SPC25: variants seen among roughly 807,000 people sequenced by gnomAD.
SPC25 encodes SPC25 component of NDC80 kinetochore complex, also known as kinetochore protein Spc25.
Under a neutral mutation model 29.6 loss-of-function variants are expected in SPC25, and 22 were observed. The observed-to-expected ratio is 0.74, with a 90% CI of 0.53 to 1.06. SPC25 has a LOEUF of 1.06. Among genes scored for constraint, SPC25 ranks in the 50% least tolerant of loss-of-function variants. SPC25 has a pLI of 0.00. For synonymous variants in SPC25, 91 were observed against 90.4 expected (o/e 1.01, Z -0.04); for missense variants, 230 against 255.8 (o/e 0.90, Z 0.69).
chr2:168,877,202 C>T, intron 4 of SPC25, 36 bp downstream of exon 4: 1 of 1,602,604 alleles, frequency 6.2e-7, no homozygotes, highest in Non-Finnish European at 8.5e-7. Context: ...CACCACTTTC[C>T]ATTTTAGATC....
Position 168,871,248 on chromosome 2 carries a change from C to G in SPC25, c.*183G>C. ...GGAGGGATAGCATTAGGAGATATAC[C>G]TAATGAAATGACGAGTTAATGGGTG... On this transcript the variant is annotated 3_prime_UTR_variant, in exon 7 of 7. Coordinates refer to ENST00000282074, the MANE Select transcript of SPC25 (RefSeq NM_020675.4). 1 of 409,334 alleles carries G rather than the reference C, an allele frequency of 2.4e-6. No individual in the cohort carries two copies. The highest frequency in any genetic ancestry group is 4.2e-6 in the Non-Finnish European group (1 of 236,058). 25.4% of individuals were successfully genotyped at this position (409,334 alleles called of 1,614,324 possible). A position where few individuals can be genotyped will look rare whatever the true frequency, so the allele number is the denominator to read the frequency against.
chr2:168,883,681 T>G (rs1388984821), intron 3 of SPC25, among the ~76,000 whole-genome samples: 1 of 152,090 alleles, frequency 6.6e-6, no homozygotes, highest in Admixed American at 6.6e-5. Flanking sequence ...AAATACCACA[T>G]ATGAGAGTGT....
intron 4 of SPC25, chr2:168,864,865 A>G (rs764115930): frequency 1.2e-6 from 2 of 1,613,912 alleles, no homozygotes; most frequent in Admixed American, 3.3e-5. Flanking sequence ...AGAAAAAAGA[A>G]GGAGGATGGT....
At chr2:168,870,838 C>G (rs1338667778), downstream of SPC25, 1 of 151,384 alleles carries the variant, frequency 6.6e-6, no homozygotes, top group Non-Finnish European at 1.5e-5. Flanking sequence ...ACCATTTGAC[C>G]CAGCCCTCCC....
downstream of SPC25, among the ~76,000 whole-genome samples, chr2:168,868,856 T>C (rs1337628464): frequency 2.0e-5 from 3 of 152,220 alleles, no homozygotes; most frequent in Admixed American, 6.5e-5. Flanking sequence ...ACTCATTCTA[T>C]GAGGCCAGCA....
At chr2:168,876,906 A>C (rs929578652) in intron 4 of SPC25, among the ~76,000 whole-genome samples, 20 of 152,156 alleles carry the variant, frequency 1.3e-4, no homozygotes, top group Admixed American at 6.5e-5. Flanking sequence ...TGGTCAATAA[A>C]TATTTGTTGC....
intron 3 of SPC25, among the ~76,000 whole-genome samples, chr2:168,888,196 G>A (rs1690303199): frequency 6.6e-6 from 1 of 152,110 alleles, no homozygotes; most frequent in African/African-American, 2.4e-5. Context: ...AGTATCACTT[G>A]AGCCGAGGAG....
chr2:168,886,452 A>C (rs1416440813), intron 3 of SPC25, among the ~76,000 whole-genome samples: 1 of 152,128 alleles, frequency 6.6e-6, no homozygotes, highest in Non-Finnish European at 1.5e-5. Context: ...GTGGTGGGCA[A>C]TAGCAGTCAT....
rs1268027273 is a variant in SPC25, at chr2:168,871,276, G to A, written c.*155C>T. ...ATGAAATGACGAGTTAATGGGTGCAGCACACCAATATGGCACATGTATACA... is the reference window on the plus strand; with the variant it reads ...ATGAAATGACGAGTTAATGGGTGCAACACACCAATATGGCACATGTATACA... On this transcript the variant is annotated 3_prime_UTR_variant, in exon 7 of 7. Coordinates refer to ENST00000282074, the MANE Select transcript of SPC25 (RefSeq NM_020675.4). 18 of 611,026 alleles carry A rather than the reference G, an allele frequency of 2.9e-5. No homozygotes were observed. The African/African-American group carries it at 3.1e-4, about 10-fold the overall frequency. The allele number at this position is 611,026 out of a possible 1,614,324, so 37.9% of individuals were successfully genotyped here.
In SPC25 at chr2:168,871,368, A is replaced by AC; in HGVS notation, c.*62_*63insG. 1 of 1,071,394 alleles carries AC rather than the reference A, an allele frequency of 9.3e-7. No individual in the cohort carries two copies. The highest frequency in any genetic ancestry group is 3.5e-5 in the Admixed American group (1 of 28,712). The allele number at this position is 1,071,394 out of a possible 1,614,324, so 66.4% of individuals were successfully genotyped here. On this transcript the variant is annotated 3_prime_UTR_variant, in exon 7 of 7. Coordinates refer to ENST00000282074, the MANE Select transcript of SPC25 (RefSeq NM_020675.4). ...TTAAAGTATAATAATAATAAAAACA[A>AC]GAAAAAAAGAGATATGTAATAGAGA...
At position 168,889,577 on chromosome 2, in the gene SPC25, A is replaced by T; in HGVS notation, c.-14-44T>A. Reference sequence around the variant, plus strand: ...TTGCATTTTTTAAGTTACTGAAATCAAATCACCCACATATTCCAATCGGGT... The same window carrying T: ...TTGCATTTTTTAAGTTACTGAAATCTAATCACCCACATATTCCAATCGGGT... On this transcript the variant is annotated intron_variant, in intron 1 of 6. Coordinates refer to ENST00000282074, the MANE Select transcript of SPC25 (RefSeq NM_020675.4). 1.9e-6 allele frequency: 3 copies of T among 1,562,402 alleles called. No homozygotes were observed. In the South Asian group the frequency reaches 3.5e-5, roughly 18 times the overall value.
chr2:168,864,147 T>C (rs568729913), intron 4 of SPC25, among the ~76,000 whole-genome samples: 38 of 152,240 alleles, frequency 2.5e-4, no homozygotes, highest in African/African-American at 8.4e-4. Flanking sequence ...TTTGTATTTT[T>C]AGTAGAGACG....
intron 4 of SPC25, chr2:168,863,437 C>CAAAGA (rs1689609674): frequency 1.0e-6 from 1 of 984,938 alleles, no homozygotes; most frequent in African/African-American, 1.7e-5. Context: ...AGAATGATGC[C>CAAAGA]AAATAAAAAG....
intron 3 of SPC25, among the ~76,000 whole-genome samples, chr2:168,886,123 G>A (rs1460435182): frequency 2.0e-5 from 3 of 146,806 alleles, no homozygotes; most frequent in South Asian, 2.2e-4. Flanking sequence ...GCATGATCAC[G>A]GCTCACTGTA....
chr2:168,863,370 G>A (rs1363132898), intron 4 of SPC25: 1 of 979,960 alleles, frequency 1.0e-6, no homozygotes, highest in Non-Finnish European at 1.2e-6. Context: ...AATTTCCTTT[G>A]TCTTAGAAAG....
At chr2:168,863,138 C>T (rs140513240) in intron 4 of SPC25, among the ~76,000 whole-genome samples, 116 of 152,148 alleles carry the variant, frequency 7.6e-4, no homozygotes, top group African/African-American at 2.7e-3. Flanking sequence ...GGTTGCAAAG[C>T]CTACTTATAC....
downstream of SPC25, among the ~76,000 whole-genome samples, chr2:168,867,158 A>G (rs1330732273): frequency 6.6e-6 from 1 of 152,068 alleles, no homozygotes; most frequent in Admixed American, 6.6e-5. Context: ...TCATGCTGCT[A>G]TAAAGACACA....
chr2:168,867,791 T>A (rs566463344), downstream of SPC25, among the ~76,000 whole-genome samples: 43 of 152,220 alleles, frequency 2.8e-4, no homozygotes, highest in African/African-American at 9.2e-4. Context: ...ATTAGACAGA[T>A]CAACGAGACA....
At chr2:168,881,581 C>G (rs1210952186) in intron 3 of SPC25, among the ~76,000 whole-genome samples, 1 of 152,142 alleles carries the variant, frequency 6.6e-6, no homozygotes, top group Non-Finnish European at 1.5e-5. Context: ...CAGTAGAGCT[C>G]AAGTGGTGCT....
Sources: gnomAD v4.1 joint callset for allele counts (sites outside exome capture counted in the v4.1 genomes callset) on GRCh38, gnomAD v4.1.1 for gene constraint, MANE v1.5 for transcripts, NCBI Gene and HGNC (gene_info 2026-07-23, HGNC 2026-07-21) for gene names.